USF3: variants seen among roughly 807,000 people sequenced by gnomAD.
USF3 encodes the protein basic helix-loop-helix domain-containing protein USF3.
In USF3, 29 loss-of-function variants were observed where a neutral mutation model predicts 157.5. That is an observed-to-expected ratio of 0.18 (90% CI 0.14 to 0.25). The LOEUF is 0.25. Among genes scored for constraint, USF3 ranks in the 10% least tolerant of loss-of-function variants. The pLI is 1.00. For missense variants in USF3, 2,381 were observed against 2,667.6 expected (o/e 0.89, Z 2.37); for synonymous variants, 893 against 941.4 (o/e 0.95, Z 0.94).
intron 1 of USF3, among the ~76,000 whole-genome samples, chr3:113,683,615 C>T (rs527813397): frequency 1.8e-4 from 28 of 151,978 alleles, no homozygotes; most frequent in Admixed American, 3.9e-4. Flanking sequence ...ACTACAGGCA[C>T]GCACCACCAT....
rs114317459 is a variant in USF3 at position 113,659,707 on chromosome 3, G to C, written c.1975C>G (p.Gln659Glu). ...TTTAAAGAAATGGTTTGAGGCTGTT[G>C]GTTTGACATGGTAACAGAAAAAGTT... Reference protein sequence around the residue: ...TQTFSVTMSNQQPQTISLNGQ... With the variant: ...TQTFSVTMSNEQPQTISLNGQ... Residue 659 changes from glutamine (Q) to glutamate (E), a missense_variant, in exon 7 of 7, where the codon CAA becomes GAA. Coordinates refer to ENST00000316407, the MANE Select transcript of USF3 (RefSeq NM_001009899.4). 840 of 1,614,218 alleles carry C rather than the reference G, an allele frequency of 5.2e-4. 5 individuals carry two copies. The African/African-American group carries it at 0.01, about 19-fold the overall frequency.
At chr3:113,670,228 C>G in intron 4 of USF3, 25 bp from the exon 5 acceptor site, 2 of 1,364,730 alleles carry the variant, frequency 1.5e-6, no homozygotes, top group Non-Finnish European at 2.1e-6. Context: ...ATTCGTTTAT[C>G]AAACCTTACA....
At chr3:113,665,394 G>T (rs565431770) in intron 5 of USF3, among the ~76,000 whole-genome samples, 1 of 152,358 alleles carries the variant, frequency 6.6e-6, no homozygotes, top group African/African-American at 2.4e-5. Flanking sequence ...TAGGCCAAGA[G>T]AGGAATGTCA....
In USF3 at chr3:113,658,407, G is replaced by C; in HGVS notation, c.3275C>G (p.Ser1092Cys). Reference protein sequence around the residue: ...RQADSPMSTSSGSSRSFSVAS... With the variant: ...RQADSPMSTSCGSSRSFSVAS... ...AACTGAGAAACTACGACTACTGCCA[G>C]AGCTGGTTGACATGGGAGAGTCGGC... The change falls in exon 7 of 7, where the codon TCT becomes TGT. Residue 1092 changes from serine (S) to cysteine (C), a missense_variant. Transcript: ENST00000316407. The C allele has an allele frequency of 3.1e-6, 5 of 1,614,108 alleles. No homozygotes were observed. Among genetic ancestry groups the C allele is most frequent in the Non-Finnish European group, 4.2e-6 (5 of 1,180,032 alleles).
intron 1 of USF3, among the ~76,000 whole-genome samples, chr3:113,688,863 ACC>A (rs1190107039): frequency 6.6e-6 from 1 of 151,704 alleles, no homozygotes; most frequent in African/African-American, 2.4e-5. Context: ...ACATGGTGAA[ACC>A]CCGTCTCTAC....
In USF3 at chr3:113,656,178, C is replaced by T; in HGVS notation, c.5504G>A (p.Ser1835Asn). 6.2e-7 allele frequency: 1 copy of T among 1,614,166 alleles called. No individual in the cohort carries two copies. The highest frequency in any genetic ancestry group is 8.5e-7 in the Non-Finnish European group (1 of 1,180,032). ...CTGATGTTCTGAGAGTGACCTCTGG[C>T]TCCCAATGACCTGATCACTGAGGTG... ...APHLSDQVIG[S>N]QRSLSEHQRN... The change falls in exon 7 of 7, where the codon AGC becomes AAC. Residue 1835 changes from serine (S) to asparagine (N), a missense_variant. This residue lies in a region of USF3 where 770 missense variants were observed against 824.2 expected (regional missense o/e 0.93). Coordinates refer to ENST00000316407, the MANE Select transcript of USF3 (RefSeq NM_001009899.4).
intron 1 of USF3, among the ~76,000 whole-genome samples, chr3:113,688,065 T>C (rs1157133489): frequency 6.6e-6 from 1 of 152,218 alleles, no homozygotes; most frequent in Non-Finnish European, 1.5e-5. Flanking sequence ...CCAGTAATGT[T>C]TTCTCCTCTG....
chr3:113,690,326 C>T (rs981193756), intron 1 of USF3, among the ~76,000 whole-genome samples: 3 of 152,190 alleles, frequency 2.0e-5, no homozygotes, highest in Admixed American at 2.0e-4. Context: ...TTGCCCTCAG[C>T]CTTTCTCCCA....
chr3:113,659,018 C>T lies in USF3; in HGVS notation c.2664G>A (p.Lys888=), dbSNP rs1344170245. 6.2e-7 allele frequency: 1 copy of T among 1,614,142 alleles called. No homozygotes were observed. The highest frequency in any genetic ancestry group is 8.5e-7 in the Non-Finnish European group (1 of 1,180,028). Residue 888 remains lysine (K), a synonymous_variant, in exon 7 of 7, where the codon AAG becomes AAA. Coordinates refer to ENST00000316407, the MANE Select transcript of USF3 (RefSeq NM_001009899.4). ...CAGATTCTTGGGAGGGTGGGCTGGA[C>T]TTTTCTGCTGACTTAGATTTCGATA... ...ESVSKSKSAE[K]SSPPSQESVT... is the part of the protein sequence containing the mutation.
intron 6 of USF3, among the ~76,000 whole-genome samples, chr3:113,662,526 C>G (rs1165935027): frequency 2.6e-5 from 4 of 152,168 alleles, no homozygotes; most frequent in Non-Finnish European, 4.4e-5. Flanking sequence ...ATGAAAAGTT[C>G]CATTCCAACA....
Position 113,656,728 on chromosome 3 carries a change from C to T in USF3, c.4954G>A (p.Asp1652Asn). 6.2e-7 allele frequency: 1 copy of T among 1,614,160 alleles called. No homozygotes were observed. The highest frequency in any genetic ancestry group is 8.5e-7 in the Non-Finnish European group (1 of 1,180,026). The change falls in exon 7 of 7, where the codon GAC (aspartate) becomes AAC (asparagine). Residue 1652 changes from aspartate (D) to asparagine (N), a missense_variant. Asp to Asn is a conservative substitution (Grantham distance 23, BLOSUM62 1). This residue lies in a region of USF3 where 770 missense variants were observed against 824.2 expected (regional missense o/e 0.93). Coordinates refer to ENST00000316407, the MANE Select transcript of USF3 (RefSeq NM_001009899.4). ...GGCCTGTGTGGAGTACAGGTCATGT[C>T]TGAAGATCTAGTCACAATACTTGGT... is the stretch of plus-strand genomic sequence containing the variant. ...SQPSIVTRSS[D>N]MTCTPHRPER...
At chr3:113,682,886 G>A (rs1359303323) in intron 1 of USF3, among the ~76,000 whole-genome samples, 7 of 146,968 alleles carry the variant, frequency 4.8e-5, no homozygotes, top group South Asian at 4.2e-4. Flanking sequence ...GCAACAGATC[G>A]CTGGGCTTTT....
In USF3 at chr3:113,658,402, T is replaced by A. The variant is rs763792138; in HGVS notation, c.3280A>T (p.Ser1094Cys). 2 of 1,614,192 alleles carry A rather than the reference T, an allele frequency of 1.2e-6. No homozygotes were observed. The highest frequency in any genetic ancestry group is 2.2e-5 in the South Asian group (2 of 91,084). ...GATGCAACTGAGAAACTACGACTAC[T>A]GCCAGAGCTGGTTGACATGGGAGAG... ...ADSPMSTSSGSSRSFSVASML... is the reference protein window; with the variant it reads ...ADSPMSTSSGCSRSFSVASML... Residue 1094 changes from serine to cysteine, a missense_variant, in exon 7 of 7, where the codon AGT becomes TGT. Ser to Cys is a moderately radical substitution (Grantham distance 112, BLOSUM62 -1). Around this residue, in one of 6 missense-constraint regions of USF3, gnomAD observed 1,435 missense variants for 1,550.9 expected, o/e 0.93. Transcript: ENST00000316407.
chr3:113,684,306 T>C (rs1026667458), intron 1 of USF3, among the ~76,000 whole-genome samples: 1 of 152,050 alleles, frequency 6.6e-6, no homozygotes, highest in East Asian at 1.9e-4. Flanking sequence ...CCTTTGGGAG[T>C]GTGATTATTA....
In USF3 at chr3:113,661,061, C is replaced by T. The variant is rs758746615; in HGVS notation, c.621G>A (p.Lys207=). Reference sequence around the variant, plus strand: ...CAGGAACTGTGGTCTGATGCCATGGCTTGTTTTCAGAAGGGTAAACTCCAG... The same window carrying T: ...CAGGAACTGTGGTCTGATGCCATGGTTTGTTTTCAGAAGGGTAAACTCCAG... ...SISGVYPSEN[K]PWHQTTVPAL... The change falls in exon 7 of 7, where the codon AAG becomes AAA. Residue 207 remains lysine, a synonymous_variant. Coordinates refer to ENST00000316407, the MANE Select transcript of USF3 (RefSeq NM_001009899.4). 4 of 1,614,154 alleles carry T rather than the reference C, an allele frequency of 2.5e-6. No individual in the cohort carries two copies. The highest frequency in any genetic ancestry group is 3.4e-6 in the Non-Finnish European group (4 of 1,180,014).
At chr3:113,686,624 G>A (rs1017367502) in intron 1 of USF3, among the ~76,000 whole-genome samples, 3 of 152,200 alleles carry the variant, frequency 2.0e-5, no homozygotes, top group African/African-American at 7.2e-5. Flanking sequence ...TAGTAGTTCT[G>A]CAGCATGGGG....
At chr3:113,690,745 C>T (rs139980078) in intron 1 of USF3, among the ~76,000 whole-genome samples, 1 of 152,106 alleles carries the variant, frequency 6.6e-6, no homozygotes, top group Non-Finnish European at 1.5e-5. Context: ...TATATAAAAT[C>T]TTCCCTAATA....
intron 5 of USF3, among the ~76,000 whole-genome samples, chr3:113,667,712 C>A (rs1259371668): frequency 6.6e-6 from 1 of 151,928 alleles, no homozygotes; most frequent in Non-Finnish European, 1.5e-5. Flanking sequence ...ACTAAAAATA[C>A]AAAAATTAGC....
chr3:113,654,798 G>A lies in USF3; in HGVS notation c.*146C>T, dbSNP rs1295075041. On this transcript the variant is annotated 3_prime_UTR_variant, in exon 7 of 7. Transcript: ENST00000316407. ...ACAACCCAGTATCTGCATCTGACATGGCTTCCCTACATTCAGAAGATAACT... is the reference window on the plus strand; with the variant it reads ...ACAACCCAGTATCTGCATCTGACATAGCTTCCCTACATTCAGAAGATAACT... 10 of 828,016 alleles carry A rather than the reference G, an allele frequency of 1.2e-5. No individual in the cohort carries two copies. The highest frequency in any genetic ancestry group is 1.7e-5 in the African/African-American group (1 of 57,978). 51.3% of individuals were successfully genotyped at this position (828,016 alleles called of 1,614,324 possible).
Sources: gnomAD v4.1 joint callset for allele counts (sites outside exome capture counted in the v4.1 genomes callset) on GRCh38, gnomAD v4.1.1 for gene constraint, gnomAD v4.1.1 regional missense constraint, MANE v1.5 for transcripts, NCBI Gene and HGNC (gene_info 2026-07-23, HGNC 2026-07-21) for gene names.